RBKS: variants seen among roughly 807,000 people sequenced by gnomAD.
RBKS encodes ribokinase.
Under a neutral mutation model 33.9 loss-of-function variants are expected in RBKS, and 33 were observed. That is an observed-to-expected ratio of 0.97 (90% CI 0.74 to 1.30). The LOEUF (loss-of-function observed/expected upper bound fraction) is 1.30. RBKS is among the 50% of genes most tolerant of loss of function. The pLI, the probability that RBKS is intolerant of heterozygous loss-of-function variation, is 0.00. For missense variants in RBKS, 361 were observed against 392.6 expected (o/e 0.92, Z 0.68); for synonymous variants, 125 against 143.0 (o/e 0.87, Z 0.90).
At chr2:27,820,859 G>C (rs1678190270) in intron 7 of RBKS, among the ~76,000 whole-genome samples, 1 of 152,044 alleles carries the variant, frequency 6.6e-6, no homozygotes, top group Non-Finnish European at 1.5e-5. Flanking sequence ...TGACCAACAT[G>C]GTGAAACCCT....
chr2:27,878,193 C>G (rs1664351995), intron 1 of RBKS, among the ~76,000 whole-genome samples: 1 of 151,778 alleles, frequency 6.6e-6, no homozygotes, highest in South Asian at 2.1e-4. Flanking sequence ...GCCCCCACCC[C>G]ACAACAGTCC....
At chr2:27,791,021 G>A (rs1303327605) in intron 7 of RBKS, among the ~76,000 whole-genome samples, 1 of 152,190 alleles carries the variant, frequency 6.6e-6, no homozygotes, top group African/African-American at 2.4e-5. Context: ...AAACAATCCA[G>A]ATGTTGTAGA....
At chr2:27,826,970 T>A (rs917865916) in intron 7 of RBKS, among the ~76,000 whole-genome samples, 1 of 151,032 alleles carries the variant, frequency 6.6e-6, no homozygotes, top group African/African-American at 2.5e-5. Context: ...AAATAATACT[T>A]GTCTCACAGA....
intron 1 of RBKS, among the ~76,000 whole-genome samples, chr2:27,879,509 T>C (rs1664379254): frequency 6.6e-6 from 1 of 152,084 alleles, no homozygotes; most frequent in African/African-American, 2.4e-5. Context: ...TTTACCTCTC[T>C]CTCTTCCCCT....
At chr2:27,877,867 A>G (rs1664343504) in intron 1 of RBKS, among the ~76,000 whole-genome samples, 1 of 152,168 alleles carries the variant, frequency 6.6e-6, no homozygotes, top group Admixed American at 6.5e-5. Context: ...CTACTGTTTT[A>G]CCTTTCAAAT....
At chr2:27,834,921 C>T (rs1212886100) in intron 5 of RBKS, among the ~76,000 whole-genome samples, 1 of 152,140 alleles carries the variant, frequency 6.6e-6, no homozygotes, top group African/African-American at 2.4e-5. Flanking sequence ...GTTGTTTGTA[C>T]AGCTCTGTTT....
intron 7 of RBKS, among the ~76,000 whole-genome samples, chr2:27,793,374 A>G (rs1677574844): frequency 6.6e-6 from 1 of 152,190 alleles, no homozygotes; most frequent in African/African-American, 2.4e-5. Context: ...AAAAAGAGTA[A>G]CTGTACACTT....
At chr2:27,888,879 C>T (rs1664620345) in intron 1 of RBKS, among the ~76,000 whole-genome samples, 1 of 152,164 alleles carries the variant, frequency 6.6e-6, no homozygotes, top group Non-Finnish European at 1.5e-5. Flanking sequence ...CTTACTCTTG[C>T]TCTAGAAAAA....
intron 7 of RBKS, among the ~76,000 whole-genome samples, chr2:27,813,763 T>C (rs1259920588): frequency 6.6e-6 from 1 of 152,148 alleles, no homozygotes; most frequent in Non-Finnish European, 1.5e-5. Flanking sequence ...AAAATGGTTG[T>C]GAGTTTTTCA....
At chr2:27,801,938 C>T (rs572655760) in intron 7 of RBKS, among the ~76,000 whole-genome samples, 13 of 112,406 alleles carry the variant, frequency 1.2e-4, no homozygotes, top group Admixed American at 3.4e-4. Context: ...CTCAGTTTCC[C>T]GAGTAGCTGG....
At chr2:27,798,417 C>T (rs987253374) in intron 7 of RBKS, among the ~76,000 whole-genome samples, 3 of 152,250 alleles carry the variant, frequency 2.0e-5, no homozygotes, top group South Asian at 4.2e-4. Flanking sequence ...GCTTGTGGCA[C>T]CTCCACACTG....
intron 1 of RBKS, among the ~76,000 whole-genome samples, chr2:27,868,114 CT>C (rs1161500632): frequency 1.3e-5 from 2 of 152,164 alleles, no homozygotes; most frequent in Non-Finnish European, 2.9e-5. Context: ...TGGGTTACAT[CT>C]TTTTGCCATC....
intron 1 of RBKS, among the ~76,000 whole-genome samples, chr2:27,883,411 G>A (rs1664460285): frequency 6.6e-6 from 1 of 152,192 alleles, no homozygotes; most frequent in Non-Finnish European, 1.5e-5. Flanking sequence ...GTATTAGCCA[G>A]GATGGTCTCG....
intron 7 of RBKS, among the ~76,000 whole-genome samples, chr2:27,803,859 T>C (rs1677847037): frequency 6.6e-6 from 1 of 151,616 alleles, no homozygotes; most frequent in African/African-American, 2.4e-5. Flanking sequence ...CCAGCCTGAC[T>C]GACATGGCAA....
intron 7 of RBKS, among the ~76,000 whole-genome samples, chr2:27,812,990 C>T (rs943220651): frequency 3.5e-5 from 5 of 143,948 alleles, no homozygotes; most frequent in African/African-American, 1.3e-4. Flanking sequence ...TACATTTTAA[C>T]AAAGGTTTCA....
chr2:27,866,484 G>A (rs181847000), intron 1 of RBKS, among the ~76,000 whole-genome samples: 9 of 152,170 alleles, frequency 5.9e-5, no homozygotes, highest in Admixed American at 3.9e-4. Flanking sequence ...TTTTTCAAAC[G>A]CTTTTAGTGC....
At chr2:27,856,056 G>T (rs1663851295) in intron 2 of RBKS, among the ~76,000 whole-genome samples, 1 of 152,138 alleles carries the variant, frequency 6.6e-6, no homozygotes, top group African/African-American at 2.4e-5. Context: ...TCTCACAATG[G>T]ATAAAATATG....
At chr2:27,861,779 G>A (rs1272654466) in intron 1 of RBKS, among the ~76,000 whole-genome samples, 2 of 151,206 alleles carry the variant, frequency 1.3e-5, no homozygotes, top group African/African-American at 4.9e-5. Flanking sequence ...AGCCTCCCGA[G>A]TAGCTGAAAT....
At chr2:27,835,161 A>G (rs911531699) in intron 5 of RBKS, among the ~76,000 whole-genome samples, 6 of 151,794 alleles carry the variant, frequency 4.0e-5, no homozygotes, top group Admixed American at 3.9e-4. Context: ...CTGTAATCCC[A>G]GCTACTCCAG....
Sources: gnomAD v4.1 joint callset for allele counts (sites outside exome capture counted in the v4.1 genomes callset) on GRCh38, gnomAD v4.1.1 for gene constraint, MANE v1.5 for transcripts, NCBI Gene and HGNC (gene_info 2026-07-23, HGNC 2026-07-21) for gene names.